Variants in SASH3 observed in about 807,000 individuals in gnomAD.
The protein encoded by SASH3 is SAM and SH3 domain-containing protein 3.
A neutral mutation model predicts 26.1 loss-of-function variants in SASH3; 7 were observed. The ratio of observed to expected loss-of-function variants is 0.27; its 90% confidence interval spans 0.15 to 0.50. The LOEUF (loss-of-function observed/expected upper bound fraction) is 0.50, where lower values mean the gene tolerates loss of function less well. Ranked by LOEUF, SASH3 falls within the 20% of genes least tolerant of loss-of-function variation. The pLI, the probability that SASH3 is intolerant of heterozygous loss-of-function variation, is 0.98. For missense variants in SASH3, 231 were observed against 318.3 expected (o/e 0.73, Z 2.09); for synonymous variants, 138 against 136.8 (o/e 1.01, Z -0.06).
Position 129,793,545 on chromosome X carries a change from G to A in SASH3, c.953-97G>A, listed in dbSNP as rs182562958. On this transcript the variant is annotated intron_variant, in intron 7 of 7. Coordinates refer to ENST00000356892, the MANE Select transcript of SASH3 (RefSeq NM_018990.4). The stretch of plus-strand genomic sequence containing the variant: ...GAAGCAGTGAGGAGAGGGGCAGGGC[G>A]GTGGCAGGTGCCCAGAAGGAGAGAC... 421 of 897,172 alleles carry A rather than the reference G, an allele frequency of 4.7e-4. 1 individual carries two copies. In the African/African-American group the frequency reaches 6.1e-3, roughly 13 times the overall value. The allele number at this position is 897,172 out of a possible 1,213,427, so 73.9% of individuals were successfully genotyped here.
chrX:129,787,953 G>A (rs1297749179), intron 1 of SASH3, 22 bp from the exon 2 acceptor site: 1 of 1,187,647 alleles, frequency 8.4e-7, no homozygotes, highest in Non-Finnish European at 1.1e-6. Context: ...CCCACTGATT[G>A]CAACACCCAC....
At chrX:129,780,490 C>T (rs1926995968) in intron 1 of SASH3, among the ~76,000 whole-genome samples, 1 of 112,530 alleles carries the variant, frequency 8.9e-6, no homozygotes, top group African/African-American at 3.2e-5. Flanking sequence ...AAGCTGAACC[C>T]TAAGCTTGTA....
chrX:129,790,758 T>A (rs1331744679), intron 3 of SASH3, among the ~76,000 whole-genome samples, 182 bp from the exon 4 acceptor site: 4 of 111,304 alleles, frequency 3.6e-5, no homozygotes, highest in Non-Finnish European at 5.7e-5. Flanking sequence ...GGGCAAGGAC[T>A]GTCACTCTCA....
In SASH3 at chrX:129,779,949, AC is replaced by A; in HGVS notation, c.-144del. The A allele has an allele frequency of 2.0e-6, 1 of 491,254 alleles. No individual in the cohort carries two copies. The highest frequency in any genetic ancestry group is 3.5e-6 in the Non-Finnish European group (1 of 288,672). The allele number at this position is 491,254 out of a possible 1,213,427, so 40.5% of individuals were successfully genotyped here. A position where few individuals can be genotyped will look rare whatever the true frequency, so the allele number is the denominator to read the frequency against. ...CTGCTGCCGGGTGTCCATGGCCCGC[AC>A]CCCCAAGCTGCCACTGCAGCAGTCA... On this transcript the variant is annotated 5_prime_UTR_variant, in exon 1 of 8. Coordinates refer to ENST00000356892, the MANE Select transcript of SASH3 (RefSeq NM_018990.4).
chrX:129,783,735 C>T (rs750984750), intron 1 of SASH3, among the ~76,000 whole-genome samples: 1 of 111,089 alleles, frequency 9.0e-6, no homozygotes, highest in South Asian at 3.8e-4. Flanking sequence ...GGGCCTAGAG[C>T]TCACAGGGTG....
intron 1 of SASH3, among the ~76,000 whole-genome samples, chrX:129,782,118 A>C (rs1927027818): frequency 8.9e-6 from 1 of 112,422 alleles, no homozygotes; most frequent in African/African-American, 3.2e-5. Flanking sequence ...CTGAGCTGGA[A>C]TCCTACCACG....
At chrX:129,790,656 C>T (rs966952883) in intron 3 of SASH3, among the ~76,000 whole-genome samples, 1 of 111,177 alleles carries the variant, frequency 9.0e-6, no homozygotes, top group Non-Finnish European at 1.9e-5. Context: ...GTTGTGCCAC[C>T]GTGGTCTTTT....
intron 1 of SASH3, among the ~76,000 whole-genome samples, chrX:129,787,495 T>C (rs936021322): frequency 1.8e-5 from 2 of 111,594 alleles, no homozygotes; most frequent in Non-Finnish European, 3.8e-5. Flanking sequence ...CCCCAGTGTG[T>C]TTGTTCCTAT....
chrX:129,783,780 G>T (rs756493878), intron 1 of SASH3, among the ~76,000 whole-genome samples: 54 of 111,201 alleles, frequency 4.9e-4, no homozygotes, highest in African/African-American at 1.2e-3. Context: ...AGGAGCAGAG[G>T]GGGTAGCTCA....
chrX:129,788,265 A>C (rs1411186686), intron 2 of SASH3, 166 bp from the exon 3 acceptor site: 3 of 555,192 alleles, frequency 5.4e-6, no homozygotes, highest in Non-Finnish European at 8.7e-6. Flanking sequence ...ACTATTTATA[A>C]ATTTATAGGG....
Position 129,795,140 on chromosome X carries a change from G to C in SASH3, c.*1308G>C, listed in dbSNP as rs972676507. 17 of 111,492 alleles carry C rather than the reference G, an allele frequency of 1.5e-4. No individual in the cohort carries two copies. The highest frequency in any genetic ancestry group is 4.9e-4 in the African/African-American group (15 of 30,507). 9.2% of individuals were successfully genotyped at this position (111,492 alleles called of 1,213,427 possible). On this transcript the variant is annotated 3_prime_UTR_variant, in exon 8 of 8. Transcript: ENST00000356892. Reference sequence around the variant, plus strand: ...AAAGCTAGCTTTGGGGAAGGGGTTGGGTGTAAATATGAGAGGGTGGAGGGA... The same window carrying C: ...AAAGCTAGCTTTGGGGAAGGGGTTGCGTGTAAATATGAGAGGGTGGAGGGA...
At chrX:129,787,778 A>G (rs770526873) in intron 1 of SASH3, among the ~76,000 whole-genome samples, 197 bp from the exon 2 acceptor site, 1 of 111,785 alleles carries the variant, frequency 8.9e-6, no homozygotes, top group Non-Finnish European at 1.9e-5. Flanking sequence ...GTCTGTGGCC[A>G]GGGCTGGGGT....
chrX:129,790,576 ACAGG>A (rs888682577), intron 3 of SASH3, among the ~76,000 whole-genome samples: 13 of 111,302 alleles, frequency 1.2e-4, no homozygotes, highest in African/African-American at 4.2e-4. Flanking sequence ...ACACAGAAAC[ACAGG>A]CAAAAGTAGT....
chrX:129,783,479 G>A (rs2235448), intron 1 of SASH3, among the ~76,000 whole-genome samples: 1 of 112,241 alleles, frequency 8.9e-6, no homozygotes, highest in Non-Finnish European at 1.9e-5. Flanking sequence ...CACGAGCACA[G>A]CAACATACTT....
At position 129,792,819 on chromosome X, in the gene SASH3, G is replaced by A; in HGVS notation, c.784G>A (p.Glu262Lys). The change falls in exon 6 of 8, where the codon GAG becomes AAG. Residue 262 changes from glutamate (E) to lysine (K), a missense_variant. Glu to Lys is a moderately conservative substitution (Grantham distance 56). Transcript: ENST00000356892. ...PKPKTLHELL[E>K]RIGLEEHTST... ...GCCTAAGACCCTGCATGAGCTGCTG[G>A]AGCGCATCGGCCTGGAGGTTTGAGC... The A allele has an allele frequency of 8.4e-7, 1 of 1,188,703 alleles. No individual in the cohort carries two copies. The highest frequency in any genetic ancestry group is 1.1e-6 in the Non-Finnish European group (1 of 885,527).
At position 129,793,939 on chromosome X, in the gene SASH3, C is replaced by T. The variant is rs2124084827; in HGVS notation, c.*107C>T. 1 of 768,055 alleles carries T rather than the reference C, an allele frequency of 1.3e-6. No individual in the cohort carries two copies. The highest frequency in any genetic ancestry group is 1.9e-6 in the Non-Finnish European group (1 of 536,445). 63.3% of individuals were successfully genotyped at this position (768,055 alleles called of 1,213,427 possible). A position where few individuals can be genotyped will look rare whatever the true frequency, so the allele number is the denominator to read the frequency against. The stretch of plus-strand genomic sequence containing the variant: ...TCCTGAGGACTGGCACTGAGCCTGG[C>T]CCTGCTTCCCCAGGGACACTTAGGG... On this transcript the variant is annotated 3_prime_UTR_variant, in exon 8 of 8. Coordinates refer to ENST00000356892, the MANE Select transcript of SASH3 (RefSeq NM_018990.4).
chrX:129,789,109 A>AAAAAAAAGAAAG (rs1927166583), intron 3 of SASH3, among the ~76,000 whole-genome samples: 1 of 39,453 alleles, frequency 2.5e-5, no homozygotes, highest in Non-Finnish European at 4.0e-5. Flanking sequence ...CTCAAAAAAA[A>AAAAAAAAGAAAG]AAAGAAAGAA....
At position 129,791,067 on chromosome X, in the gene SASH3, G is replaced by T; in HGVS notation, c.428G>T (p.Arg143Leu). The change falls in exon 4 of 8, where the codon CGC (arginine) becomes CTC (leucine). Residue 143 changes from arginine (R) to leucine (L), a missense_variant. Transcript: ENST00000356892. ...QEEHELPVLS[R>L]QASTGSELCS... ...GAGCATGAACTTCCGGTGCTCAGCC[G>T]CCAGGCATCAACAGGTGAGTAGGGG... 5 of 1,210,570 alleles carry T rather than the reference G, an allele frequency of 4.1e-6. No homozygotes were observed. Among genetic ancestry groups the T allele is most frequent in the Non-Finnish European group, 4.5e-6 (4 of 894,905 alleles).
chrX:129,792,675 C>G lies in SASH3; in HGVS notation c.640C>G (p.Leu214Val). ...TGAAAAGCCACCTGTGGGCACGTGG[C>G]TGGGCCTACTCAATGGCAAGGTGGG... ...IIEKPPVGTW[L>V]GLLNGKVGSF... The change falls in exon 6 of 8, where the codon CTG (leucine) becomes GTG (valine). Residue 214 changes from leucine to valine, a missense_variant. Coordinates refer to ENST00000356892, the MANE Select transcript of SASH3 (RefSeq NM_018990.4). 8.3e-7 allele frequency: 1 copy of G among 1,211,286 alleles called. No homozygotes were observed. Among genetic ancestry groups the G allele is most frequent in the Non-Finnish European group, 1.1e-6 (1 of 895,467 alleles).
Sources: allele counts gnomAD v4.1 joint callset (sites outside exome capture counted in the v4.1 genomes callset), GRCh38; gene constraint gnomAD v4.1.1; transcripts MANE v1.5; gene names NCBI Gene and HGNC (gene_info 2026-07-23, HGNC 2026-07-21).